FARP1: variants seen among roughly 807,000 people sequenced by gnomAD.
The protein encoded by FARP1 is FERM, ARH/RhoGEF and pleckstrin domain protein 1.
In FARP1, 52 loss-of-function variants were observed where a neutral mutation model predicts 128.8. That is an observed-to-expected ratio of 0.40 (90% confidence interval 0.32 to 0.51). The LOEUF (loss-of-function observed/expected upper bound fraction) is 0.51, where lower values mean the gene tolerates loss of function less well. Among genes scored for constraint, FARP1 ranks in the 20% least tolerant of loss-of-function variants. FARP1 has a pLI of 0.45. For synonymous variants in FARP1, 580 were observed against 551.8 expected (o/e 1.05, Z -0.72); for missense variants, 1,333 against 1,367.9 (o/e 0.97, Z 0.40).
intron 13 of FARP1, chr13:98,395,958 A>G (rs1367470366): frequency 1.3e-5 from 5 of 399,232 alleles, no homozygotes; most frequent in Non-Finnish European, 1.8e-5. Context: ...ATGACCATAG[A>G]GAGGGGAGTA....
intron 2 of FARP1, among the ~76,000 whole-genome samples, chr13:98,311,130 C>T (rs1886440493): frequency 1.3e-5 from 2 of 152,212 alleles, no homozygotes; most frequent in South Asian, 4.1e-4. Flanking sequence ...ACAGCAGCAC[C>T]ACTCTTGATT....
chr13:98,398,572 T>C (rs1232312931), intron 13 of FARP1: 4 of 152,224 alleles, frequency 2.6e-5, no homozygotes, highest in Non-Finnish European at 4.4e-5. Context: ...AATTAATAAT[T>C]CAAATCGGAT....
At chr13:98,307,533 C>T (rs950646325) in intron 2 of FARP1, among the ~76,000 whole-genome samples, 4 of 152,156 alleles carry the variant, frequency 2.6e-5, no homozygotes, top group East Asian at 1.9e-4. Flanking sequence ...CCTGTTCACA[C>T]GCTACAGGCC....
At chr13:98,212,678 C>G (rs1398627056) in intron 1 of FARP1, among the ~76,000 whole-genome samples, 1 of 152,136 alleles carries the variant, frequency 6.6e-6, no homozygotes, top group African/African-American at 2.4e-5. Context: ...GAAATAGACA[C>G]TAGAAACCAA....
intron 2 of FARP1, among the ~76,000 whole-genome samples, chr13:98,336,756 G>A (rs1887761826): frequency 6.6e-6 from 1 of 152,204 alleles, no homozygotes; most frequent in Non-Finnish European, 1.5e-5. Flanking sequence ...AATTGAGGAT[G>A]GAGAAGGCAA....
chr13:98,309,838 C>G (rs1158248919), intron 2 of FARP1, among the ~76,000 whole-genome samples: 1 of 152,186 alleles, frequency 6.6e-6, no homozygotes, highest in African/African-American at 2.4e-5. Flanking sequence ...ATTGTTTTCC[C>G]TTGTGACAAA....
intron 2 of FARP1, among the ~76,000 whole-genome samples, chr13:98,259,352 CGTGT>C (rs143802802): frequency 6.6e-6 from 1 of 150,418 alleles, no homozygotes; most frequent in Non-Finnish European, 1.5e-5. Context: ...CACATATATA[CGTGT>C]GTGTGTGTGT....
intron 2 of FARP1, among the ~76,000 whole-genome samples, chr13:98,311,441 A>C (rs1481317233): frequency 6.6e-6 from 1 of 152,106 alleles, no homozygotes; most frequent in Non-Finnish European, 1.5e-5. Flanking sequence ...AGGGCAATGA[A>C]TTTTGGCCTT....
At chr13:98,419,481 A>AATACACACACAC (rs1555294276) in intron 16 of FARP1, among the ~76,000 whole-genome samples, 49 of 64,858 alleles carry the variant, frequency 7.6e-4, no homozygotes, top group African/African-American at 2.9e-3. Flanking sequence ...TCCAAAAAAA[A>AATACACACACAC]ATACACACAC....
chr13:98,393,780 T>C (rs1566948762), intron 12 of FARP1, 62 bp downstream of exon 12: 1 of 1,296,000 alleles, frequency 7.7e-7, no homozygotes, highest in Admixed American at 1.8e-5. Flanking sequence ...CACGGAGCCC[T>C]GGGCTTCAGA....
chr13:98,427,463 A>C (rs1366441369), intron 17 of FARP1, among the ~76,000 whole-genome samples: 3 of 152,232 alleles, frequency 2.0e-5, no homozygotes, highest in African/African-American at 4.8e-5. Flanking sequence ...ACAGCTCCCC[A>C]GGGAGGCGCC....
intron 13 of FARP1, chr13:98,404,461 G>A (rs888244911): frequency 1.3e-5 from 2 of 152,192 alleles, no homozygotes; most frequent in African/African-American, 4.8e-5. Flanking sequence ...AGGAAGCTAC[G>A]TATTATTCAG....
intron 2 of FARP1, among the ~76,000 whole-genome samples, chr13:98,255,690 C>A (rs1338982941): frequency 6.6e-6 from 1 of 152,194 alleles, no homozygotes; most frequent in Non-Finnish European, 1.5e-5. Flanking sequence ...AGTTCCCCTA[C>A]CTAGCAGATT....
intron 2 of FARP1, among the ~76,000 whole-genome samples, chr13:98,267,976 A>T (rs952302588): frequency 7.2e-5 from 11 of 152,226 alleles, no homozygotes; most frequent in Admixed American, 5.2e-4. Flanking sequence ...CACATAACAT[A>T]CAATTTATCA....
At chr13:98,159,200 C>G (rs1426977310) in intron 1 of FARP1, among the ~76,000 whole-genome samples, 2 of 152,182 alleles carry the variant, frequency 1.3e-5, no homozygotes, top group African/African-American at 2.4e-5. Flanking sequence ...TATTATCATG[C>G]TAGGCACTGT....
intron 24 of FARP1, among the ~76,000 whole-genome samples, chr13:98,444,904 A>T (rs118056827): frequency 0.037 from 5,635 of 152,292 alleles, 157 homozygotes; most frequent in Middle Eastern, 0.058. Context: ...CACCACCAGG[A>T]CCTTCTGGGA....
chr13:98,194,363 C>T (rs1032644965), intron 1 of FARP1, among the ~76,000 whole-genome samples: 12 of 152,162 alleles, frequency 7.9e-5, no homozygotes, highest in South Asian at 4.1e-4. Flanking sequence ...GTGATCCACC[C>T]GCCTCGGCCT....
chr13:98,211,114 G>C (rs745774354), intron 1 of FARP1, among the ~76,000 whole-genome samples: 4 of 152,104 alleles, frequency 2.6e-5, no homozygotes, highest in Non-Finnish European at 5.9e-5. Flanking sequence ...TCTTCCCTCA[G>C]TGGCTCCTGC....
At chr13:98,366,453 G>GC (rs1889088843) in intron 4 of FARP1, among the ~76,000 whole-genome samples, 1 of 152,296 alleles carries the variant, frequency 6.6e-6, no homozygotes, top group Non-Finnish European at 1.5e-5. Context: ...GCGAAGAGAA[G>GC]CCCCCCAGCC....
Sources: gnomAD v4.1 joint callset for allele counts (sites outside exome capture counted in the v4.1 genomes callset) on GRCh38, gnomAD v4.1.1 for gene constraint, MANE v1.5 for transcripts, NCBI Gene and HGNC (gene_info 2026-07-23, HGNC 2026-07-21) for gene names.